The following ABI1 variants were observed in gnomAD, a reference collection of about 807,000 sequenced individuals.
The protein encoded by ABI1 is abl interactor 1.
ABI1 carries 14 observed loss-of-function variants against 54.6 expected under a neutral mutation model. The ratio of observed to expected loss-of-function variants is 0.26; its 90% CI spans 0.17 to 0.40. ABI1 has a LOEUF of 0.40. ABI1 is among the 10% of genes least tolerant of loss of function. The pLI is 1.00. For missense variants in ABI1, 443 were observed against 598.3 expected (o/e 0.74, Z 2.71); for synonymous variants, 194 against 209.3 (o/e 0.93, Z 0.63).
At chr10:26,778,642 C>G (rs1841734464) in intron 2 of ABI1, among the ~76,000 whole-genome samples, 1 of 152,118 alleles carries the variant, frequency 6.6e-6, no homozygotes, top group South Asian at 2.1e-4. Context: ...CAATTCCAAA[C>G]CAAGTAGATA....
At chr10:26,829,835 T>G (rs1589009639) in intron 1 of ABI1, among the ~76,000 whole-genome samples, 1 of 152,024 alleles carries the variant, frequency 6.6e-6, no homozygotes, top group Non-Finnish European at 1.5e-5. Context: ...GGAAGGGAGG[T>G]CAGCATTAAT....
Position 26,759,164 on chromosome 10 carries a change from AAGT to A in ABI1, c.892_894del (p.Thr298del). 1.2e-6 allele frequency: 2 copies of A among 1,614,116 alleles called. No homozygotes were observed. The highest frequency in any genetic ancestry group is 1.7e-6 in the Non-Finnish European group (2 of 1,180,002). ...CTGTATCCACCAGAAGATGTCGAAG[AAGT>A]AGTAGAGTTGTGTCGAGATATCTGC... On this transcript the variant is annotated inframe_deletion, in exon 8 of 11. Coordinates refer to ENST00000376140, the MANE Select transcript of ABI1 (RefSeq NM_001012750.3).
At chr10:26,837,825 G>C (rs1373328700) in intron 1 of ABI1, among the ~76,000 whole-genome samples, 2 of 147,942 alleles carry the variant, frequency 1.4e-5, no homozygotes, top group African/African-American at 2.5e-5. Flanking sequence ...ATGTTGCCCA[G>C]GCTGGTCTCA....
At chr10:26,786,271 T>C (rs368584486) in intron 2 of ABI1, among the ~76,000 whole-genome samples, 1 of 151,660 alleles carries the variant, frequency 6.6e-6, no homozygotes, top group Non-Finnish European at 1.5e-5. Flanking sequence ...TGGAGTTCAG[T>C]GGTGCGATCT....
At chr10:26,765,908 T>C (rs929556096) in intron 6 of ABI1, among the ~76,000 whole-genome samples, 2 of 152,172 alleles carry the variant, frequency 1.3e-5, no homozygotes, top group African/African-American at 2.4e-5. Context: ...CAAAATCTTA[T>C]AGTACGAGTC....
intron 2 of ABI1, among the ~76,000 whole-genome samples, chr10:26,794,964 C>T (rs541368388): frequency 2.6e-5 from 4 of 151,432 alleles, no homozygotes; most frequent in Admixed American, 6.6e-5. Flanking sequence ...GCCAACATGG[C>T]GAAATCCTGC....
At chr10:26,789,466 G>C (rs1209951780) in intron 2 of ABI1, among the ~76,000 whole-genome samples, 1 of 152,130 alleles carries the variant, frequency 6.6e-6, no homozygotes, top group Non-Finnish European at 1.5e-5. Context: ...ACAAATGATG[G>C]TGTTTCCGTT....
At chr10:26,821,615 T>C (rs948644785) in intron 2 of ABI1, among the ~76,000 whole-genome samples, 3 of 152,108 alleles carry the variant, frequency 2.0e-5, no homozygotes, top group African/African-American at 7.2e-5. Flanking sequence ...CTGGCCAACA[T>C]GGCAAAACCC....
intron 10 of ABI1, among the ~76,000 whole-genome samples, chr10:26,751,258 T>C (rs1837589422): frequency 6.6e-6 from 1 of 152,192 alleles, no homozygotes; most frequent in Non-Finnish European, 1.5e-5. Context: ...TCAATAGAGC[T>C]TGACAGAACT....
intron 1 of ABI1, among the ~76,000 whole-genome samples, chr10:26,850,544 A>T (rs2050299903): frequency 6.6e-6 from 1 of 151,972 alleles, no homozygotes; most frequent in South Asian, 2.1e-4. Context: ...TGTAGTCCCA[A>T]CTACTCAAGA....
At chr10:26,814,610 C>G (rs2047441076) in intron 2 of ABI1, among the ~76,000 whole-genome samples, 1 of 152,042 alleles carries the variant, frequency 6.6e-6, no homozygotes. Flanking sequence ...TAAGAAATAT[C>G]ACTATAAGAA....
intron 2 of ABI1, among the ~76,000 whole-genome samples, chr10:26,807,012 T>TC (rs1338047006): frequency 4.6e-5 from 7 of 152,238 alleles, no homozygotes; most frequent in Non-Finnish European, 1.0e-4. Flanking sequence ...TTGGCCATGT[T>TC]TTCATGGTTC....
At chr10:26,832,300 T>G (rs910240054) in intron 1 of ABI1, among the ~76,000 whole-genome samples, 1 of 152,114 alleles carries the variant, frequency 6.6e-6, no homozygotes, top group Admixed American at 6.6e-5. Flanking sequence ...TAAAGTATGT[T>G]GGCCGGGCGC....
At chr10:26,774,702 C>T (rs1269669216) in intron 3 of ABI1, among the ~76,000 whole-genome samples, 1 of 151,928 alleles carries the variant, frequency 6.6e-6, no homozygotes, top group Non-Finnish European at 1.5e-5. Flanking sequence ...TATTTAAATA[C>T]AAATACCAAA....
In ABI1 at chr10:26,851,581, G is replaced by A. The variant is rs72794115; in HGVS notation, c.117+9166C>T. Among the ~76,000 whole-genome samples the A allele has an allele frequency of 3.4e-3, 520 of 152,068 alleles. 1 individual carries two copies. The highest frequency in any genetic ancestry group is 5.8e-3 in the Non-Finnish European group (392 of 67,978). ...TGAAGTCAAAAGAGTTTTCAAGTAC[G>A]ACAGAGATCTGAAATGTTTCAATTG... On this transcript the variant is annotated intron_variant, in intron 1 of 10. Transcript: ENST00000376140.
Position 26,791,068 on chromosome 10 carries a change from CAA to C in ABI1, c.286-13829_286-13828del, listed in dbSNP as rs369738380. 6.2e-3 allele frequency among the ~76,000 whole-genome samples: 368 copies of C among 59,138 alleles called. 2 individuals are homozygous for C. Among genetic ancestry groups the C allele is most frequent in the African/African-American group, 0.019 (325 of 17,234 alleles). The allele number at this position is 59,138 out of a possible 152,430, so 38.8% of individuals were successfully genotyped here. A position where few individuals can be genotyped will look rare whatever the true frequency, so the allele number is the denominator to read the frequency against. Reference sequence around the variant, plus strand: ...CCCAGGTAAGAGTAAGATTCCGTCTCAAAAAAAAAAAAAAAAAAAAAAACAGA... The same window carrying C: ...CCCAGGTAAGAGTAAGATTCCGTCTCAAAAAAAAAAAAAAAAAAAAACAGA... On this transcript the variant is annotated intron_variant, in intron 2 of 10. Coordinates refer to ENST00000376140, the MANE Select transcript of ABI1 (RefSeq NM_001012750.3).
intron 10 of ABI1, among the ~76,000 whole-genome samples, chr10:26,749,885 A>C (rs776981901): frequency 6.6e-6 from 1 of 152,216 alleles, no homozygotes; most frequent in Non-Finnish European, 1.5e-5. Context: ...TAGCCAGCAA[A>C]GTTTAAAATA....
intron 2 of ABI1, among the ~76,000 whole-genome samples, chr10:26,789,374 C>A (rs1304414748): frequency 1.3e-5 from 2 of 152,114 alleles, no homozygotes; most frequent in African/African-American, 4.8e-5. Flanking sequence ...GGGGGAATCA[C>A]CTTTTAAAGC....
In ABI1 at chr10:26,781,556, G is replaced by C. The variant is rs117921673; in HGVS notation, c.286-4315C>G. On this transcript the variant is annotated intron_variant, in intron 2 of 10. Transcript: ENST00000376140. ...GTGCCCATGATACAGAACTGAAAAT[G>C]GGTGTGGTTGCTTTGTTCCACGGGC... Among the ~76,000 whole-genome samples, 292 of 152,336 alleles carry C rather than the reference G, an allele frequency of 1.9e-3. 1 individual carries two copies. The highest frequency in any genetic ancestry group is 3.5e-3 in the Non-Finnish European group (240 of 68,036).
Sources: gnomAD v4.1 joint callset for allele counts (sites outside exome capture counted in the v4.1 genomes callset) on GRCh38, gnomAD v4.1.1 for gene constraint, MANE v1.5 for transcripts, NCBI Gene and HGNC (gene_info 2026-07-23, HGNC 2026-07-21) for gene names.